Variants in CDH12 observed in about 807,000 individuals in gnomAD.
CDH12 encodes the protein cadherin 12, also known as cadherin-12.
Under a neutral mutation model 74.1 loss-of-function variants are expected in CDH12, and 41 were observed. That is an observed-to-expected ratio of 0.55 (90% CI 0.43 to 0.72). CDH12 has a LOEUF of 0.72. Among genes scored for constraint, CDH12 ranks in the 30% least tolerant of loss-of-function variants. CDH12 has a pLI of 0.00. For missense variants in CDH12, 945 were observed against 977.2 expected, an observed-to-expected ratio of 0.97 and a Z score of 0.44; for synonymous variants, 399 against 355.0, an observed-to-expected ratio of 1.12 and a Z score of -1.39.
chr5:22,019,877 A>G (rs1308791986), intron 5 of CDH12, among the ~76,000 whole-genome samples: 1 of 152,184 alleles, frequency 6.6e-6, no homozygotes, highest in African/African-American at 2.4e-5. Flanking sequence ...CTAACTGTCA[A>G]TATGTGTGAA....
At chr5:22,455,685 C>T (rs1745236021) in intron 2 of CDH12, among the ~76,000 whole-genome samples, 1 of 152,082 alleles carries the variant, frequency 6.6e-6, no homozygotes. Context: ...GCACTTACAA[C>T]CATGGGAATG....
intron 11 of CDH12, among the ~76,000 whole-genome samples, chr5:21,779,976 C>A (rs1334690687): frequency 6.6e-6 from 1 of 152,114 alleles, no homozygotes; most frequent in Admixed American, 6.5e-5. Flanking sequence ...CTTTGTCATA[C>A]CCGATTTCCT....
At chr5:22,699,698 C>T (rs1014406452) in intron 1 of CDH12, among the ~76,000 whole-genome samples, 4 of 152,038 alleles carry the variant, frequency 2.6e-5, no homozygotes, top group African/African-American at 9.7e-5. Flanking sequence ...AAATATAAGG[C>T]AGAAGGTGTT....
intron 1 of CDH12, among the ~76,000 whole-genome samples, chr5:22,698,882 C>T (rs1281374836): frequency 2.0e-5 from 3 of 151,036 alleles, no homozygotes; most frequent in Non-Finnish European, 4.4e-5. Context: ...GATGAGTTTT[C>T]TCCGTATACA....
chr5:22,041,006 C>A (rs1210547425), intron 5 of CDH12, among the ~76,000 whole-genome samples: 1 of 151,848 alleles, frequency 6.6e-6, no homozygotes, highest in Non-Finnish European at 1.5e-5. Context: ...GCAATAGCTA[C>A]AATAACTTGT....
intron 4 of CDH12, among the ~76,000 whole-genome samples, chr5:22,136,119 T>A (rs1001538458): frequency 5.3e-5 from 8 of 151,920 alleles, no homozygotes; most frequent in Non-Finnish European, 1.0e-4. Flanking sequence ...ATTGCAGATT[T>A]GAAAGAAATA....
At chr5:22,165,877 A>C (rs1386251367) in intron 4 of CDH12, among the ~76,000 whole-genome samples, 2 of 152,234 alleles carry the variant, frequency 1.3e-5, no homozygotes, top group African/African-American at 4.8e-5. Context: ...TGGCAAGATC[A>C]GGAAGTTACC....
chr5:22,792,985 A>C (rs373945389), intron 1 of CDH12, among the ~76,000 whole-genome samples: 100 of 152,316 alleles, frequency 6.6e-4, no homozygotes, highest in Middle Eastern at 3.4e-3. Context: ...CATTCTCTAA[A>C]TTTATTCTTA....
At chr5:22,595,099 C>T (rs191162194) in intron 1 of CDH12, among the ~76,000 whole-genome samples, 48 of 151,854 alleles carry the variant, frequency 3.2e-4, no homozygotes, top group East Asian at 2.9e-3. Context: ...GAAGTCCATA[C>T]AAAAAAAGAC....
At chr5:22,093,705 C>T (rs1743572578) in intron 4 of CDH12, among the ~76,000 whole-genome samples, 1 of 152,002 alleles carries the variant, frequency 6.6e-6, no homozygotes, top group Non-Finnish European at 1.5e-5. Context: ...GTGATGGTTG[C>T]AACACTATGT....
chr5:22,233,098 T>C (rs1186302120), intron 3 of CDH12, among the ~76,000 whole-genome samples: 1 of 151,460 alleles, frequency 6.6e-6, no homozygotes, highest in Non-Finnish European at 1.5e-5. Flanking sequence ...TTACTTTTAA[T>C]GATTTTAAAG....
chr5:22,844,979 T>C (rs1737235799), intron 1 of CDH12, among the ~76,000 whole-genome samples: 1 of 152,156 alleles, frequency 6.6e-6, no homozygotes, highest in South Asian at 2.1e-4. Flanking sequence ...AACTGAATCT[T>C]AGAGCCAATT....
At chr5:22,348,288 C>A (rs188882147) in intron 3 of CDH12, among the ~76,000 whole-genome samples, 96 of 152,312 alleles carry the variant, frequency 6.3e-4, no homozygotes, top group African/African-American at 2.0e-3. Context: ...TGACGAGGTT[C>A]ACTCTGAACC....
intron 1 of CDH12, among the ~76,000 whole-genome samples, chr5:22,758,703 A>G (rs1746058127): frequency 6.6e-6 from 1 of 152,190 alleles, no homozygotes; most frequent in African/African-American, 2.4e-5. Context: ...CTATTTGCAA[A>G]TGTTTGTCCA....
chr5:22,351,055 C>A (rs1740336830), intron 3 of CDH12, among the ~76,000 whole-genome samples: 1 of 152,064 alleles, frequency 6.6e-6, no homozygotes, highest in Non-Finnish European at 1.5e-5. Context: ...AGAGTAACAT[C>A]TTTAGCTTCA....
intron 9 of CDH12, among the ~76,000 whole-genome samples, chr5:21,805,820 T>C (rs1411410060): frequency 6.6e-6 from 1 of 152,214 alleles, no homozygotes; most frequent in Non-Finnish European, 1.5e-5. Flanking sequence ...TATTCTATGA[T>C]AGACATACAT....
At chr5:22,392,456 T>A (rs1483454542) in intron 3 of CDH12, among the ~76,000 whole-genome samples, 1 of 152,212 alleles carries the variant, frequency 6.6e-6, no homozygotes, top group African/African-American at 2.4e-5. Flanking sequence ...TCACCCTGCC[T>A]CAACGTATTC....
chr5:22,605,114 A>G (rs1322324479), intron 1 of CDH12, among the ~76,000 whole-genome samples: 1 of 152,176 alleles, frequency 6.6e-6, no homozygotes, highest in Non-Finnish European at 1.5e-5. Context: ...GGCTTCATTC[A>G]GTCAGTTGAA....
At chr5:21,769,003 G>A (rs1400006037) in intron 11 of CDH12, among the ~76,000 whole-genome samples, 1 of 151,908 alleles carries the variant, frequency 6.6e-6, no homozygotes, top group Non-Finnish European at 1.5e-5. Flanking sequence ...ATTAATACAA[G>A]GAAGAACAAA....
Sources: gnomAD v4.1 joint callset for allele counts (sites outside exome capture counted in the v4.1 genomes callset) on GRCh38, gnomAD v4.1.1 for gene constraint, MANE v1.5 for transcripts, NCBI Gene and HGNC (gene_info 2026-07-23, HGNC 2026-07-21) for gene names.